The following PREP variants were observed in gnomAD, a reference collection of about 807,000 sequenced individuals.
PREP encodes prolyl endopeptidase, also known as dJ355L5.1 (prolyl endopeptidase).
In PREP, 29 loss-of-function variants were observed where a neutral mutation model predicts 87.6. That is an observed-to-expected ratio of 0.33 (90% CI 0.25 to 0.45). The LOEUF (loss-of-function observed/expected upper bound fraction) is 0.45, where lower values mean the gene tolerates loss of function less well. Among genes scored for constraint, PREP ranks in the 20% least tolerant of loss-of-function variants. PREP has a pLI of 1.00. For missense variants in PREP, 695 were observed against 886.5 expected, an observed-to-expected ratio of 0.78 and a Z score of 2.74; for synonymous variants, 337 against 328.6, an observed-to-expected ratio of 1.03 and a Z score of -0.28.
chr6:105,322,057 T>C (rs1333380409), intron 10 of PREP, among the ~76,000 whole-genome samples: 1 of 151,884 alleles, frequency 6.6e-6, no homozygotes, highest in African/African-American at 2.4e-5. Flanking sequence ...TCACAACTGA[T>C]AGGGACACAT....
At chr6:105,364,225 C>A (rs1254486663) in intron 6 of PREP, among the ~76,000 whole-genome samples, 1 of 152,148 alleles carries the variant, frequency 6.6e-6, no homozygotes, top group Non-Finnish European at 1.5e-5. Flanking sequence ...GTTCCAATAA[C>A]CAAAAGTGTC....
chr6:105,334,465 T>C (rs563611211), intron 7 of PREP, among the ~76,000 whole-genome samples: 1 of 152,338 alleles, frequency 6.6e-6, no homozygotes, highest in East Asian at 1.9e-4. Context: ...ATGCCTGTAA[T>C]CACAGCATTT....
intron 6 of PREP, among the ~76,000 whole-genome samples, chr6:105,366,182 G>A (rs1057393010): frequency 9.2e-5 from 14 of 152,126 alleles, no homozygotes; most frequent in East Asian, 1.9e-4. Context: ...GCTTGAACCC[G>A]GGAGGTGGAG....
At chr6:105,309,935 T>G (rs900090243) in intron 10 of PREP, among the ~76,000 whole-genome samples, 3 of 152,232 alleles carry the variant, frequency 2.0e-5, no homozygotes, top group African/African-American at 7.2e-5. Flanking sequence ...ATGCAACTTT[T>G]CATTGTCTGG....
At chr6:105,354,087 A>G (rs1172776217) in intron 6 of PREP, among the ~76,000 whole-genome samples, 1 of 152,212 alleles carries the variant, frequency 6.6e-6, no homozygotes, top group Non-Finnish European at 1.5e-5. Flanking sequence ...TTTTCATTCA[A>G]TGTTTTATAA....
chr6:105,350,269 G>A (rs866062120), intron 7 of PREP, among the ~76,000 whole-genome samples: 2 of 152,032 alleles, frequency 1.3e-5, no homozygotes, highest in Non-Finnish European at 2.9e-5. Context: ...ACCCTGCTAA[G>A]TCCTTTTCTT....
intron 6 of PREP, among the ~76,000 whole-genome samples, chr6:105,361,600 A>C (rs1772247413): frequency 6.6e-6 from 1 of 152,338 alleles, no homozygotes; most frequent in East Asian, 1.9e-4. Context: ...GTGACACTTG[A>C]AATTGTCCTG....
At chr6:105,280,000 A>G (rs1458880866) in intron 14 of PREP, among the ~76,000 whole-genome samples, 1 of 152,236 alleles carries the variant, frequency 6.6e-6, no homozygotes, top group Non-Finnish European at 1.5e-5. Context: ...GAAAAGTAAT[A>G]ACTTTCATAG....
intron 6 of PREP, among the ~76,000 whole-genome samples, chr6:105,356,707 G>A (rs895915151): frequency 8.5e-5 from 13 of 152,156 alleles, no homozygotes; most frequent in African/African-American, 2.7e-4. Context: ...GGATCAGTCT[G>A]GGGCAGCCTA....
chr6:105,371,425 C>T (rs577222223), intron 5 of PREP, among the ~76,000 whole-genome samples: 8 of 135,790 alleles, frequency 5.9e-5, no homozygotes, highest in East Asian at 2.4e-4. Flanking sequence ...CACTTGAACC[C>T]GGGAGGTACA....
rs1356345262 is a variant in PREP, at chr6:105,276,920, T to C, written c.*1224A>G. Among the ~76,000 whole-genome samples the C allele has an allele frequency of 2.6e-5, 4 of 152,164 alleles. No individual in the cohort carries two copies. The highest frequency in any genetic ancestry group is 5.9e-5 in the Non-Finnish European group (4 of 68,024). Reference sequence around the variant, plus strand: ...ACAAATTATTGGAATAATGAAGTAATCTTTTAAGCTATTTTATATAAGGTT... The same window carrying C: ...ACAAATTATTGGAATAATGAAGTAACCTTTTAAGCTATTTTATATAAGGTT... On this transcript the variant is annotated 3_prime_UTR_variant, in exon 15 of 15. Transcript: ENST00000652536.
rs562111023 is a variant in PREP at position 105,340,954 on chromosome 6, C to T, written c.824-7449G>A. ...ACAATAATAATGGGAGATTTTAACA[C>T]CCCACTGTCAACATTAGACACATCA... On this transcript the variant is annotated intron_variant, in intron 7 of 14. Coordinates refer to ENST00000652536, the MANE Select transcript of PREP (RefSeq NM_002726.5). Among the ~76,000 whole-genome samples, 167 of 152,280 alleles carry T rather than the reference C, an allele frequency of 1.1e-3. 1 individual carries two copies. Among genetic ancestry groups the T allele is most frequent in the Non-Finnish European group, 1.8e-3 (122 of 68,026 alleles).
chr6:105,299,156 C>G lies in PREP; in HGVS notation c.1318-10262G>C, dbSNP rs531847519. Among the ~76,000 whole-genome samples the G allele has an allele frequency of 3.3e-5, 5 of 152,314 alleles. No homozygotes were observed. The South Asian group carries it at 1.0e-3, about 32-fold the overall frequency. ...AAACAAAAGCTGGTGTCAGTTCTTTCTCAGCCCTGAGGATATAAGATAATA... is the reference window on the plus strand; with the variant it reads ...AAACAAAAGCTGGTGTCAGTTCTTTGTCAGCCCTGAGGATATAAGATAATA... On this transcript the variant is annotated intron_variant, in intron 10 of 14. Coordinates refer to ENST00000652536, the MANE Select transcript of PREP (RefSeq NM_002726.5).
rs565595259 is a variant in PREP at position 105,373,670 on chromosome 6, C to T, written c.386-92G>A. On this transcript the variant is annotated intron_variant, in intron 4 of 14. Transcript: ENST00000652536. The stretch of plus-strand genomic sequence containing the variant: ...TCTAACAAAGCTCTCTTTCATAACA[C>T]GGAGGTAGAATGTGGCAATAAAAGG... The T allele has an allele frequency of 1.2e-4, 145 of 1,247,940 alleles. 1 individual carries two copies. The highest frequency in any genetic ancestry group is 2.4e-4 in the African/African-American group (16 of 66,282). The allele number at this position is 1,247,940 out of a possible 1,614,324, so 77.3% of individuals were successfully genotyped here. A position where few individuals can be genotyped will look rare whatever the true frequency, so the allele number is the denominator to read the frequency against.
chr6:105,364,142 G>C (rs1241944927), intron 6 of PREP, among the ~76,000 whole-genome samples: 1 of 152,204 alleles, frequency 6.6e-6, no homozygotes, highest in Non-Finnish European at 1.5e-5. Flanking sequence ...AACTTGAGCT[G>C]GGTAGAGGGC....
intron 7 of PREP, among the ~76,000 whole-genome samples, chr6:105,338,883 G>A (rs1408730928): frequency 4.6e-5 from 7 of 152,190 alleles, no homozygotes; most frequent in Non-Finnish European, 1.0e-4. Flanking sequence ...TAAACAAAGC[G>A]GCTGGGTAAC....
intron 6 of PREP, among the ~76,000 whole-genome samples, chr6:105,353,538 A>T (rs1217353906): frequency 6.6e-6 from 1 of 151,984 alleles, no homozygotes; most frequent in African/African-American, 2.4e-5. Context: ...TGGGAAGCCG[A>T]GTGGGGGTGG....
intron 2 of PREP, among the ~76,000 whole-genome samples, chr6:105,389,437 CA>C (rs1222343451): frequency 6.6e-6 from 1 of 152,196 alleles, no homozygotes; most frequent in Non-Finnish European, 1.5e-5. Context: ...ACAGAAGCAA[CA>C]TCGGAAATGC....
chr6:105,333,538 C>G (rs1481810204), intron 7 of PREP, 33 bp from the exon 8 acceptor site: 1 of 1,604,500 alleles, frequency 6.2e-7, no homozygotes, highest in Admixed American at 1.7e-5. Context: ...CATCATCTCT[C>G]TAATGTTTAA....
Sources: allele counts gnomAD v4.1 joint callset (sites outside exome capture counted in the v4.1 genomes callset), GRCh38; gene constraint gnomAD v4.1.1; transcripts MANE v1.5; gene names NCBI Gene and HGNC (gene_info 2026-07-23, HGNC 2026-07-21).